The following DACH2 variants were observed in gnomAD, a reference collection of about 807,000 sequenced individuals.
DACH2 encodes dachshund homolog 2.
A neutral mutation model predicts 35.8 loss-of-function variants in DACH2; 17 were observed. The observed-to-expected ratio is 0.48, with a 90% CI of 0.33 to 0.71. The LOEUF (loss-of-function observed/expected upper bound fraction) is 0.71. Among genes scored for constraint, DACH2 ranks in the 30% least tolerant of loss-of-function variants. The pLI is 0.02. For synonymous variants in DACH2, 195 were observed against 177.3 expected, an observed-to-expected ratio of 1.10 and a Z score of -0.79; for missense variants, 469 against 472.7, an observed-to-expected ratio of 0.99 and a Z score of 0.07.
Position 86,416,395 on chromosome X carries a change from T to C in DACH2, c.527+39533T>C, listed in dbSNP as rs754013844. ...ATGTCTATATTCTATGTGTTTCTCA[T>C]TGCAGTTGATATACAGTATTTTAAA... On this transcript the variant is annotated intron_variant, in intron 2 of 11. Coordinates refer to ENST00000373125, the MANE Select transcript of DACH2 (RefSeq NM_053281.3). 1.2e-4 allele frequency among the ~76,000 whole-genome samples: 13 copies of C among 111,977 alleles called. No individual in the cohort carries two copies. In the East Asian group the frequency reaches 2.5e-3, roughly 22 times the overall value.
intron 2 of DACH2, among the ~76,000 whole-genome samples, chrX:86,399,837 G>T (rs1019835372): frequency 1.2e-4 from 13 of 111,241 alleles, no homozygotes; most frequent in African/African-American, 4.3e-4. Context: ...TTCAACTTTG[G>T]TGAATCTGAC....
chrX:86,450,133 G>A (rs768444466), intron 2 of DACH2, among the ~76,000 whole-genome samples: 1 of 110,758 alleles, frequency 9.0e-6, no homozygotes, highest in Non-Finnish European at 1.9e-5. Context: ...ATAGGAAAAC[G>A]TGTGCTATGT....
intron 2 of DACH2, among the ~76,000 whole-genome samples, chrX:86,429,535 ATTTCTTTTCTTTTCTTTTCTTTTCT>A (rs144228984): frequency 2.0e-5 from 2 of 101,492 alleles, no homozygotes; most frequent in Non-Finnish European, 4.0e-5. Flanking sequence ...TCTAGAGTGC[ATTTCTTTTCTTTTCTTTTCTTTTCT>A]TTTCTTTTCT....
chrX:86,774,375 A>G (rs1168676613), intron 7 of DACH2, among the ~76,000 whole-genome samples: 1 of 111,634 alleles, frequency 9.0e-6, no homozygotes, highest in East Asian at 2.8e-4. Context: ...TGCCTTCAAT[A>G]GTTTGTTCTG....
At chrX:86,814,130 CAG>C (rs1272677711) in intron 9 of DACH2, among the ~76,000 whole-genome samples, 5 of 109,546 alleles carry the variant, frequency 4.6e-5, no homozygotes, top group Non-Finnish European at 5.7e-5. Flanking sequence ...AAGAGAGAGG[CAG>C]AGAGAGAGAG....
intron 2 of DACH2, among the ~76,000 whole-genome samples, chrX:86,418,716 G>A (rs754668392): frequency 2.2e-4 from 24 of 111,138 alleles, no homozygotes; most frequent in Non-Finnish European, 4.2e-4. Flanking sequence ...ACATGCCCTG[G>A]AGACATTTTC....
chrX:86,606,686 G>A (rs1304726110), intron 3 of DACH2, among the ~76,000 whole-genome samples: 1 of 111,351 alleles, frequency 9.0e-6, no homozygotes, highest in Non-Finnish European at 1.9e-5. Context: ...TGGCTAAAAT[G>A]TTCTATAAGT....
chrX:86,446,304 T>A (rs1398583377), intron 2 of DACH2, among the ~76,000 whole-genome samples: 71 of 99,107 alleles, frequency 7.2e-4, no homozygotes, highest in Admixed American at 1.5e-3. Context: ...TTTTTTTTTT[T>A]TTATTATACT....
At chrX:86,720,614 C>T (rs1001372511) in intron 6 of DACH2, among the ~76,000 whole-genome samples, 2 of 110,293 alleles carry the variant, frequency 1.8e-5, no homozygotes, top group African/African-American at 3.5e-5. Context: ...ACAGCACCCT[C>T]CCAGCTACTT....
chrX:86,373,257 C>T (rs1012514131), intron 1 of DACH2, among the ~76,000 whole-genome samples: 1 of 110,810 alleles, frequency 9.0e-6, no homozygotes, highest in Non-Finnish European at 1.9e-5. Flanking sequence ...AAAGTGCTTT[C>T]CACAGTGGCT....
chrX:86,814,013 C>T (rs142075149), intron 9 of DACH2, among the ~76,000 whole-genome samples: 14,713 of 110,959 alleles, frequency 0.13, 885 homozygotes, highest in South Asian at 0.39. Context: ...ATAGGAATTT[C>T]GCGCTCCATT....
At chrX:86,701,612 A>C (rs769027807) in intron 5 of DACH2, among the ~76,000 whole-genome samples, 1 of 111,826 alleles carries the variant, frequency 8.9e-6, no homozygotes, top group South Asian at 3.7e-4. Flanking sequence ...CATGAAATTA[A>C]CCCAAATGCC....
At chrX:86,665,252 C>T (rs2040653034) in intron 4 of DACH2, among the ~76,000 whole-genome samples, 1 of 111,671 alleles carries the variant, frequency 9.0e-6, no homozygotes, top group Non-Finnish European at 1.9e-5. Flanking sequence ...TACACAAGGG[C>T]AGCATTCTCT....
intron 2 of DACH2, among the ~76,000 whole-genome samples, chrX:86,473,309 C>T (rs2037789299): frequency 9.0e-6 from 1 of 110,996 alleles, no homozygotes; most frequent in Non-Finnish European, 1.9e-5. Flanking sequence ...GTGAAATAAG[C>T]ACATCATGTA....
intron 1 of DACH2, among the ~76,000 whole-genome samples, chrX:86,308,183 A>G (rs1333277352): frequency 8.9e-6 from 1 of 112,509 alleles, no homozygotes; most frequent in South Asian, 3.7e-4. Context: ...TGTGAAATAG[A>G]TTTATGAGAG....
At chrX:86,659,711 GT>G (rs1200260374) in intron 4 of DACH2, among the ~76,000 whole-genome samples, 1 of 111,727 alleles carries the variant, frequency 9.0e-6, no homozygotes, top group Admixed American at 9.6e-5. Context: ...CTCTGCTACA[GT>G]TTTGTGTGGT....
chrX:86,445,568 A>AC (rs2037255405), intron 2 of DACH2, among the ~76,000 whole-genome samples: 5 of 99,798 alleles, frequency 5.0e-5, no homozygotes, highest in African/African-American at 1.5e-4. Context: ...AGAGTGAACA[A>AC]AAAAAAAAAA....
intron 2 of DACH2, among the ~76,000 whole-genome samples, chrX:86,408,905 A>C (rs1602488393): frequency 8.9e-6 from 1 of 111,796 alleles, no homozygotes; most frequent in Non-Finnish European, 1.9e-5. Flanking sequence ...AATAACTGTA[A>C]GGTAAATGAA....
chrX:86,645,450 T>C (rs1007842361), intron 3 of DACH2, among the ~76,000 whole-genome samples: 1 of 111,418 alleles, frequency 9.0e-6, no homozygotes, highest in African/African-American at 3.3e-5. Flanking sequence ...ACACTGTTGA[T>C]GGGAGTGTGA....
Sources: allele counts gnomAD v4.1 joint callset (sites outside exome capture counted in the v4.1 genomes callset), GRCh38; gene constraint gnomAD v4.1.1; transcripts MANE v1.5; gene names NCBI Gene and HGNC (gene_info 2026-07-23, HGNC 2026-07-21).